Variants in CDC42SE2 observed in about 807,000 individuals in gnomAD.
CDC42SE2 encodes the protein CDC42 small effector protein 2.
In CDC42SE2, 3 loss-of-function variants were observed where a neutral mutation model predicts 11.5. The ratio of observed to expected loss-of-function variants is 0.26; its 90% CI spans 0.12 to 0.67. The LOEUF (loss-of-function observed/expected upper bound fraction) is 0.67. CDC42SE2 is among the 30% of genes least tolerant of loss of function. The pLI is 0.80. For synonymous variants in CDC42SE2, 33 were observed against 34.8 expected, an observed-to-expected ratio of 0.95 and a Z score of 0.18; for missense variants, 82 against 106.8, an observed-to-expected ratio of 0.77 and a Z score of 1.02.
intron 2 of CDC42SE2, among the ~76,000 whole-genome samples, chr5:131,328,417 A>G (rs1323297532): frequency 6.6e-6 from 1 of 151,176 alleles, no homozygotes; most frequent in Non-Finnish European, 1.5e-5. Context: ...TACATTCTTC[A>G]CTTCTTTTAT....
intron 3 of CDC42SE2, 93 bp downstream of exon 3, chr5:131,359,640 CA>C: frequency 1.1e-6 from 1 of 892,672 alleles, no homozygotes. Flanking sequence ...GCAGTAATTG[CA>C]AAGCAGTTGT....
At chr5:131,323,143 T>G (rs1018403446) in intron 2 of CDC42SE2, among the ~76,000 whole-genome samples, 2 of 151,542 alleles carry the variant, frequency 1.3e-5, no homozygotes, top group East Asian at 1.9e-4. Context: ...CCTTCCACAT[T>G]AGCCCTCCAG....
intron 1 of CDC42SE2, among the ~76,000 whole-genome samples, chr5:131,295,795 G>A (rs1005657961): frequency 1.3e-5 from 2 of 151,562 alleles, no homozygotes; most frequent in Non-Finnish European, 2.9e-5. Context: ...CCATTCTCCT[G>A]CCTCAGCCTC....
intron 2 of CDC42SE2, among the ~76,000 whole-genome samples, chr5:131,330,088 C>A (rs1758388895): frequency 6.6e-6 from 1 of 151,932 alleles, no homozygotes; most frequent in South Asian, 2.1e-4. Flanking sequence ...TGGTATTCAG[C>A]TAATAGGTGG....
intron 2 of CDC42SE2, among the ~76,000 whole-genome samples, chr5:131,348,859 T>C (rs1207125161): frequency 1.3e-5 from 2 of 152,168 alleles, no homozygotes; most frequent in East Asian, 3.8e-4. Flanking sequence ...ATCTGATCTT[T>C]GAGAAACCTG....
chr5:131,326,580 A>G (rs1228142066), intron 2 of CDC42SE2, among the ~76,000 whole-genome samples: 1 of 152,060 alleles, frequency 6.6e-6, no homozygotes, highest in African/African-American at 2.4e-5. Flanking sequence ...TTGAGTGTTA[A>G]TATTTCCAAC....
At chr5:131,336,290 A>C (rs1041611934) in intron 2 of CDC42SE2, among the ~76,000 whole-genome samples, 2 of 152,210 alleles carry the variant, frequency 1.3e-5, no homozygotes, top group African/African-American at 4.8e-5. Flanking sequence ...AGAATGTTGA[A>C]TATTGTCCCC....
intron 2 of CDC42SE2, among the ~76,000 whole-genome samples, chr5:131,356,907 GA>G (rs985094247): frequency 2.6e-5 from 4 of 151,988 alleles, no homozygotes; most frequent in African/African-American, 7.2e-5. Context: ...GACCCTATCT[GA>G]AAAAAAATTT....
At chr5:131,226,920 A>T in the CDC42SE2 span, among the ~76,000 whole-genome samples, 2 of 152,170 alleles carry the variant, frequency 1.3e-5, no homozygotes, top group African/African-American at 4.8e-5. Flanking sequence ...TGCTTCCCTG[A>T]TCAGACCCTA....
chr5:131,345,355 A>G (rs1449707131), intron 2 of CDC42SE2, among the ~76,000 whole-genome samples: 1 of 152,174 alleles, frequency 6.6e-6, no homozygotes, highest in African/African-American at 2.4e-5. Context: ...TACGTGACTC[A>G]TGCACAAGCT....
chr5:131,268,359 G>A (rs541821747), intron 1 of CDC42SE2, among the ~76,000 whole-genome samples: 20 of 151,964 alleles, frequency 1.3e-4, no homozygotes, highest in East Asian at 1.9e-4. Context: ...CACCGTGCCC[G>A]GTCAAGCTTA....
chr5:131,254,934 C>T (rs947211573), intron 1 of CDC42SE2, among the ~76,000 whole-genome samples: 1 of 152,136 alleles, frequency 6.6e-6, no homozygotes, highest in African/African-American at 2.4e-5. Flanking sequence ...GTACCACTTA[C>T]ACCCTGATCC....
At chr5:131,292,240 C>CAAA (rs1202956370) in intron 1 of CDC42SE2, among the ~76,000 whole-genome samples, 20 of 25,580 alleles carry the variant, frequency 7.8e-4, no homozygotes, top group Middle Eastern at 0.025. Context: ...TCTGTCTCAC[C>CAAA]AAAAAAAAAA....
intron 2 of CDC42SE2, among the ~76,000 whole-genome samples, chr5:131,349,485 A>G (rs1968229): frequency 6.6e-6 from 1 of 152,110 alleles, no homozygotes; most frequent in East Asian, 1.9e-4. Context: ...TACTTAAAGT[A>G]TAATAATAAT....
chr5:131,276,832 A>G (rs1181353017), intron 1 of CDC42SE2, among the ~76,000 whole-genome samples: 1 of 151,678 alleles, frequency 6.6e-6, no homozygotes, highest in South Asian at 2.1e-4. Context: ...GCTTCAAGCA[A>G]TTCTCCTGCT....
the CDC42SE2 span, among the ~76,000 whole-genome samples, chr5:131,216,501 C>CAAAAAAAAAAAAAAAAAAAAAAA: frequency 9.5e-5 from 4 of 42,168 alleles, no homozygotes; most frequent in African/African-American, 3.1e-4. Flanking sequence ...GAACCTGTCT[C>CAAAAAAAAAAAAAAAAAAAAAAA]AAAAAAAAAA....
intron 2 of CDC42SE2, among the ~76,000 whole-genome samples, chr5:131,344,217 G>A (rs1561592143): frequency 6.6e-6 from 1 of 152,208 alleles, no homozygotes; most frequent in East Asian, 1.9e-4. Context: ...CCTCACCTGG[G>A]AAGCGCAGGG....
chr5:131,238,987 C>T, the CDC42SE2 span, among the ~76,000 whole-genome samples: 1 of 151,786 alleles, frequency 6.6e-6, no homozygotes, highest in Admixed American at 6.6e-5. Context: ...GAAACCCCGT[C>T]TCTACTTAAA....
At chr5:131,282,884 C>G (rs1757265793) in intron 1 of CDC42SE2, among the ~76,000 whole-genome samples, 1 of 150,422 alleles carries the variant, frequency 6.6e-6, no homozygotes, top group Non-Finnish European at 1.5e-5. Flanking sequence ...CTGCCTTGGC[C>G]TCCCAAAGTC....
Sources: gnomAD v4.1 joint callset for allele counts (sites outside exome capture counted in the v4.1 genomes callset) on GRCh38, gnomAD v4.1.1 for gene constraint, MANE v1.5 for transcripts, NCBI Gene and HGNC (gene_info 2026-07-23, HGNC 2026-07-21) for gene names.